Variants in CCDC57 observed in about 807,000 individuals in gnomAD.
CCDC57 encodes coiled-coil domain containing 57.
Under a neutral mutation model 118.9 loss-of-function variants are expected in CCDC57, and 118 were observed. The observed-to-expected ratio is 0.99, with a 90% CI of 0.86 to 1.16. The LOEUF (loss-of-function observed/expected upper bound fraction) is 1.16, where lower values mean the gene tolerates loss of function less well. CCDC57 is among the 50% of genes most tolerant of loss of function. The pLI is 0.00. For missense variants in CCDC57, 1,300 were observed against 1,320.7 expected (o/e 0.98, Z 0.24); for synonymous variants, 527 against 532.9 (o/e 0.99, Z 0.15).
At chr17:82,174,403 CCT>C (rs1413589059) in intron 11 of CCDC57, among the ~76,000 whole-genome samples, 14 of 152,344 alleles carry the variant, frequency 9.2e-5, no homozygotes, top group African/African-American at 2.9e-4. Context: ...TAAATTTTGC[CCT>C]GTTTGTCTCT....
Position 82,162,873 on chromosome 17 carries a change from G to A in CCDC57, c.2040+327C>T, listed in dbSNP as rs542611742. 9.0e-4 allele frequency among the ~76,000 whole-genome samples: 129 copies of A among 142,820 alleles called. 3 individuals are homozygous for A. Among genetic ancestry groups the A allele is most frequent in the African/African-American group, 3.1e-3 (118 of 38,230 alleles). 93.7% of individuals were successfully genotyped at this position (142,820 alleles called of 152,430 possible). ...CAGGACCCCTCTGAGCGGGCAGGTG[G>A]CATCGGGCAGCCCGCACACACGCCC... On this transcript the variant is annotated intron_variant, in intron 14 of 19. Coordinates refer to ENST00000665763, the Ensembl canonical transcript of CCDC57.
exon 8 of CCDC57, chr17:82,188,303 T>A: frequency 6.2e-7 from 1 of 1,600,082 alleles, no homozygotes; most frequent in Non-Finnish European, 8.5e-7. Flanking sequence ...GGTCTCGCAG[T>A]GGGCCTGCAG....
At position 82,210,627 on chromosome 17, in the gene CCDC57, C is replaced by T. The variant is rs1293351914; in HGVS notation, c.-211+2158G>A. Among the ~76,000 whole-genome samples, 8 of 150,642 alleles carry T rather than the reference C, an allele frequency of 5.3e-5. No homozygotes were observed. In the East Asian group the frequency reaches 9.7e-4, roughly 18 times the overall value. On this transcript the variant is annotated intron_variant, in intron 1 of 19. Transcript: ENST00000665763. ...CCCGGGAGGCAGAGGTTGCAGTGAGCCGAGATCAAGCCACTGCACTCCAGC... is the reference window on the plus strand; with the variant it reads ...CCCGGGAGGCAGAGGTTGCAGTGAGTCGAGATCAAGCCACTGCACTCCAGC...
At position 82,212,397 on chromosome 17, in the gene CCDC57, CT is replaced by C. The variant is rs55941734; in HGVS notation, c.-211+387del. Reference sequence around the variant, plus strand: ...CGCCTCCGGCCTTTTTTTTTCCTCTCTTTTTTTTTTTTTTTTTTTAAACTCA... The same window carrying C: ...CGCCTCCGGCCTTTTTTTTTCCTCTCTTTTTTTTTTTTTTTTTTAAACTCA... On this transcript the variant is annotated intron_variant, in intron 1 of 19. Coordinates refer to ENST00000665763, the Ensembl canonical transcript of CCDC57. This position sits in a 1 kb window ranked among gnomAD's most constrained non-coding sequence, Gnocchi z 4.1. Among the ~76,000 whole-genome samples the C allele has an allele frequency of 6.2e-3, 834 of 135,084 alleles. 4 individuals carry two copies. Among genetic ancestry groups the C allele is most frequent in the Middle Eastern group, 0.011 (3 of 266 alleles). 88.6% of individuals were successfully genotyped at this position (135,084 alleles called of 152,430 possible).
intron 16 of CCDC57, among the ~76,000 whole-genome samples, chr17:82,148,683 G>T (rs1249419062): frequency 3.8e-5 from 4 of 104,470 alleles, no homozygotes; most frequent in Admixed American, 3.4e-4. Flanking sequence ...TGGGTAGATG[G>T]ATGGATGGTT....
chr17:82,128,941 C>T (rs7216826), intron 17 of CCDC57, among the ~76,000 whole-genome samples: 81,075 of 150,562 alleles, frequency 0.54, 22,566 homozygotes, highest in Non-Finnish European at 0.58. Flanking sequence ...TTTTTTGAGA[C>T]GGAGTCTTGC....
intron 16 of CCDC57, among the ~76,000 whole-genome samples, chr17:82,147,574 C>A (rs55679819): frequency 8.6e-6 from 1 of 116,726 alleles, no homozygotes; most frequent in African/African-American, 3.4e-5. Flanking sequence ...GGTGGGTGTA[C>A]GAATGGATGG....
At chr17:82,116,762 G>C (rs1431810868) in intron 19 of CCDC57, among the ~76,000 whole-genome samples, 3 of 152,184 alleles carry the variant, frequency 2.0e-5, no homozygotes, top group Non-Finnish European at 4.4e-5. Context: ...CTGGCACTTA[G>C]TAGGCACTCA....
At chr17:82,188,692 G>C (rs2047284558) in intron 7 of CCDC57, among the ~76,000 whole-genome samples, 1 of 152,228 alleles carries the variant, frequency 6.6e-6, no homozygotes, top group Non-Finnish European at 1.5e-5. Context: ...AGCACAGTTT[G>C]ATCCGATCAA....
chr17:82,124,696 T>A (rs1044455724), intron 19 of CCDC57, among the ~76,000 whole-genome samples: 2 of 151,924 alleles, frequency 1.3e-5, no homozygotes, highest in African/African-American at 4.8e-5. Context: ...CTTGGGAGGC[T>A]GAGGTGGGAG....
At position 82,161,151 on chromosome 17, in the gene CCDC57, C is replaced by G. The variant is rs7502173; in HGVS notation, c.2040+2049G>C. On this transcript the variant is annotated intron_variant, in intron 14 of 19. Transcript: ENST00000665763. ...AGGAAAATGCAAATCAAAACCACAG[C>G]GAGGCCCCACTTCACTCCCACCAGG... 2.0e-5 allele frequency among the ~76,000 whole-genome samples: 3 copies of G among 152,110 alleles called. No homozygotes were observed. In the East Asian group the frequency reaches 5.8e-4, roughly 29 times the overall value.
chr17:82,161,886 A>G (rs1238762057), intron 14 of CCDC57, among the ~76,000 whole-genome samples: 2 of 152,104 alleles, frequency 1.3e-5, no homozygotes, highest in Non-Finnish European at 2.9e-5. Flanking sequence ...GGCCAAAATG[A>G]ATAGTGAGAA....
At chr17:82,127,723 A>G in exon 19 of CCDC57, 1 of 1,610,158 alleles carries the variant, frequency 6.2e-7, no homozygotes, top group Non-Finnish European at 8.5e-7. Context: ...AGGTGACACC[A>G]GAAGGGCTGG....
intron 3 of CCDC57, among the ~76,000 whole-genome samples, chr17:82,201,031 C>T (rs2048933363): frequency 6.6e-6 from 1 of 152,102 alleles, no homozygotes; most frequent in Admixed American, 6.6e-5. Flanking sequence ...CTTCCTGTCT[C>T]CTCAAACTCT....
chr17:82,123,169 C>T (rs1461652918), intron 19 of CCDC57, among the ~76,000 whole-genome samples: 2 of 144,780 alleles, frequency 1.4e-5, no homozygotes, highest in Non-Finnish European at 3.0e-5. Flanking sequence ...TGCTCTCTCA[C>T]CCAGGCTGGA....
chr17:82,208,214 T>TA (rs1203276563), intron 1 of CCDC57, among the ~76,000 whole-genome samples: 5 of 151,380 alleles, frequency 3.3e-5, no homozygotes, highest in Non-Finnish European at 7.4e-5. Flanking sequence ...AGCCCAAATA[T>TA]ATATATTTTT....
Position 82,192,741 on chromosome 17 carries a change from G to A in CCDC57, c.851+1015C>T, listed in dbSNP as rs2047829039. On this transcript the variant is annotated intron_variant, in intron 7 of 19. Transcript: ENST00000665763. The surrounding 1 kb of genome is among the most constrained non-coding windows in gnomAD (Gnocchi z 4.0). ...CTCGCTGCCACCAGTAGGGTCTGCA[G>A]AGCAGGCTGGAAAGCAGCTTCCCAC... Among the ~76,000 whole-genome samples, 1 of 152,226 alleles carries A rather than the reference G, an allele frequency of 6.6e-6. No individual in the cohort carries two copies. Among genetic ancestry groups the A allele is most frequent in the African/African-American group, 2.4e-5 (1 of 41,454 alleles).
Position 82,118,500 on chromosome 17 carries a change from C to A in CCDC57, c.2899+9192G>T, listed in dbSNP as rs1317261557. ...AACTTGCGGGGCTTAGCTGCCCACA[C>A]ACGTGGGACAGACTGTTGGGTGGCT... On this transcript the variant is annotated intron_variant, in intron 19 of 19. Coordinates refer to ENST00000665763, the Ensembl canonical transcript of CCDC57. The surrounding 1 kb of genome is among the most constrained non-coding windows in gnomAD (Gnocchi z 4.7). Among the ~76,000 whole-genome samples, 1 of 152,168 alleles carries A rather than the reference C, an allele frequency of 6.6e-6. No individual in the cohort carries two copies. Among genetic ancestry groups the A allele is most frequent in the Non-Finnish European group, 1.5e-5 (1 of 68,022 alleles).
chr17:82,149,393 C>T (rs2041537803), intron 16 of CCDC57, among the ~76,000 whole-genome samples: 2 of 152,030 alleles, frequency 1.3e-5, no homozygotes, highest in Admixed American at 1.3e-4. Flanking sequence ...TGCCCCTTGC[C>T]TTTCTTAGGA....
Sources: gnomAD v4.1 joint callset for allele counts (sites outside exome capture counted in the v4.1 genomes callset) on GRCh38, gnomAD v4.1.1 for gene constraint, Gnocchi (gnomAD v3.1) non-coding constraint, MANE v1.5 for transcripts, NCBI Gene and HGNC (gene_info 2026-07-23, HGNC 2026-07-21) for gene names.